Variants in XPR1 observed in about 807,000 individuals in gnomAD.
XPR1 encodes the protein xenotropic and polytropic retrovirus receptor 1.
Under a neutral mutation model 87.5 loss-of-function variants are expected in XPR1, and 28 were observed. That is an observed-to-expected ratio of 0.32 (90% CI 0.24 to 0.44). The LOEUF (loss-of-function observed/expected upper bound fraction) is 0.44, where lower values mean the gene tolerates loss of function less well. XPR1 is among the 20% of genes least tolerant of loss of function. The pLI is 1.00. For missense variants in XPR1, 559 were observed against 862.3 expected, an observed-to-expected ratio of 0.65 and a Z score of 4.41; for synonymous variants, 300 against 306.1, an observed-to-expected ratio of 0.98 and a Z score of 0.21.
rs774173807 is a variant in XPR1, at chr1:180,836,618, G to A, written c.1403G>A (p.Arg468Gln). 7 of 1,613,904 alleles carry A rather than the reference G, an allele frequency of 4.3e-6. No homozygotes were observed. The highest frequency in any genetic ancestry group is 5.9e-6 in the Non-Finnish European group (7 of 1,180,018). Residue 468 changes from arginine (R) to glutamine (Q), a missense_variant, in exon 11 of 15, where the codon CGA (arginine) becomes CAA (glutamine). Transcript: ENST00000367590. ...LRFIQCLRRYRDTKRAFPHLV... is the reference protein window; with the variant it reads ...LRFIQCLRRYQDTKRAFPHLV... The stretch of plus-strand genomic sequence containing the variant: ...TTCATCCAGTGCCTGCGCCGATATC[G>A]AGACACAAAAAGGGCCTTTCCTCAT...
chr1:180,838,055 A>G (rs1427653124), intron 11 of XPR1, among the ~76,000 whole-genome samples: 1 of 152,176 alleles, frequency 6.6e-6, no homozygotes, highest in African/African-American at 2.4e-5. Context: ...ATCCACAGAT[A>G]ACTTTTAACT....
intron 1 of XPR1, among the ~76,000 whole-genome samples, chr1:180,633,625 C>G (rs1261434163): frequency 6.6e-6 from 1 of 151,942 alleles, no homozygotes; most frequent in Non-Finnish European, 1.5e-5. Context: ...AATGAAAGGC[C>G]TATAATTATT....
At chr1:180,712,132 C>T (rs924151634) in intron 2 of XPR1, among the ~76,000 whole-genome samples, 21 of 152,112 alleles carry the variant, frequency 1.4e-4, no homozygotes, top group African/African-American at 2.9e-4. Flanking sequence ...CTAAATTAGG[C>T]ACAATAAGAG....
intron 1 of XPR1, among the ~76,000 whole-genome samples, chr1:180,664,270 G>A (rs1273292912): frequency 6.6e-6 from 1 of 152,214 alleles, no homozygotes; most frequent in Non-Finnish European, 1.5e-5. Context: ...GCATGTCTCA[G>A]AGTCTCACCC....
chr1:180,843,351 C>T (rs1005491906), intron 11 of XPR1, among the ~76,000 whole-genome samples: 2 of 151,602 alleles, frequency 1.3e-5, no homozygotes, highest in African/African-American at 4.8e-5. Context: ...TCTTGGCTTA[C>T]TATTAAAGTA....
chr1:180,687,518 C>CTTCTAT (rs1296195185), intron 2 of XPR1, among the ~76,000 whole-genome samples: 1 of 152,028 alleles, frequency 6.6e-6, no homozygotes, highest in Non-Finnish European at 1.5e-5. Context: ...GAATTAGTAG[C>CTTCTAT]TTCTTAGTAG....
chr1:180,720,724 G>A (rs1027421239), intron 2 of XPR1, among the ~76,000 whole-genome samples: 5 of 152,108 alleles, frequency 3.3e-5, no homozygotes, highest in East Asian at 1.9e-4. Flanking sequence ...GTGTTTTAAC[G>A]AGGTCTTCAG....
At chr1:180,733,335 T>G (rs1334185272) in intron 2 of XPR1, among the ~76,000 whole-genome samples, 1 of 152,198 alleles carries the variant, frequency 6.6e-6, no homozygotes, top group Non-Finnish European at 1.5e-5. Context: ...CCATATCATT[T>G]AAAAGGGCCA....
At chr1:180,837,444 A>C (rs927578342) in intron 11 of XPR1, among the ~76,000 whole-genome samples, 9 of 151,998 alleles carry the variant, frequency 5.9e-5, no homozygotes, top group Admixed American at 1.3e-4. Context: ...TTATTTTTAA[A>C]TACTTTGCAA....
chr1:180,830,058 G>A (rs181829340), intron 9 of XPR1, among the ~76,000 whole-genome samples: 2 of 152,170 alleles, frequency 1.3e-5, no homozygotes, highest in Admixed American at 6.5e-5. Flanking sequence ...ATTAGAGATG[G>A]ATTTAGACTT....
chr1:180,644,027 A>T (rs16856361), intron 1 of XPR1, among the ~76,000 whole-genome samples: 1 of 151,976 alleles, frequency 6.6e-6, no homozygotes, highest in Non-Finnish European at 1.5e-5. Context: ...ATAGTATATA[A>T]CTAAGTGATT....
At chr1:180,721,872 G>T (rs1355576673) in intron 2 of XPR1, among the ~76,000 whole-genome samples, 1 of 152,096 alleles carries the variant, frequency 6.6e-6, no homozygotes, top group African/African-American at 2.4e-5. Flanking sequence ...TATAATACAT[G>T]AAACATACAA....
In XPR1 at chr1:180,885,285, A is replaced by C. The variant is rs1652977563; in HGVS notation, c.*1219A>C. 6.6e-6 allele frequency: 1 copy of C among 152,636 alleles called. No homozygotes were observed. The highest frequency in any genetic ancestry group is 1.5e-5 in the Non-Finnish European group (1 of 68,046). The allele number at this position is 152,636 out of a possible 1,614,324, so 9.5% of individuals were successfully genotyped here. A position where few individuals can be genotyped will look rare whatever the true frequency, so the allele number is the denominator to read the frequency against. ...ATACTTCCTCATTCATATTATGTTG[A>C]TACAAAAGACCTTGGCAGCCATTTC... is the stretch of plus-strand genomic sequence containing the variant. On this transcript the variant is annotated 3_prime_UTR_variant, in exon 15 of 15. Coordinates refer to ENST00000367590, the MANE Select transcript of XPR1 (RefSeq NM_004736.4).
rs1231233071 is a variant in XPR1, at chr1:180,836,706, C to A, written c.1491C>A (p.Ser497Arg). 1 of 1,613,894 alleles carries A rather than the reference C, an allele frequency of 6.2e-7. No individual in the cohort carries two copies. Among genetic ancestry groups the A allele is most frequent in the East Asian group, 2.2e-5 (1 of 44,878 alleles). The change falls in exon 11 of 15, where the codon AGC becomes AGA. Residue 497 changes from serine (S) to arginine (R), a missense_variant. This residue lies in a region of XPR1 where 264 missense variants were observed against 377.2 expected (regional missense o/e 0.70). Coordinates refer to ENST00000367590, the MANE Select transcript of XPR1 (RefSeq NM_004736.4). ...FFMVTFAALYSTHKERGHSDT... is the reference protein window; with the variant it reads ...FFMVTFAALYRTHKERGHSDT... ...TGGTGACGTTTGCAGCCCTTTACAG[C>A]ACTCACAAAGGTATTCTGTGATTGA... is the stretch of plus-strand genomic sequence containing the variant.
intron 2 of XPR1, among the ~76,000 whole-genome samples, chr1:180,684,912 A>G (rs1656711609): frequency 6.6e-6 from 1 of 152,214 alleles, no homozygotes; most frequent in African/African-American, 2.4e-5. Context: ...TTCTAGATAT[A>G]CAATCATGTC....
chr1:180,657,764 A>G (rs147242599), intron 1 of XPR1, among the ~76,000 whole-genome samples: 3 of 152,098 alleles, frequency 2.0e-5, no homozygotes, highest in Non-Finnish European at 2.9e-5. Flanking sequence ...TGCTTTGGCT[A>G]TTCTGAGTCT....
intron 1 of XPR1, among the ~76,000 whole-genome samples, chr1:180,657,444 A>G (rs187680025): frequency 0.017 from 2,533 of 152,186 alleles, 67 homozygotes; most frequent in African/African-American, 0.056. Context: ...TAAGCCTTTA[A>G]TCCACTTTTA....
intron 2 of XPR1, among the ~76,000 whole-genome samples, chr1:180,714,906 T>C (rs575982770): frequency 2.1e-4 from 32 of 152,282 alleles, no homozygotes; most frequent in African/African-American, 7.5e-4. Context: ...AGAATCAATT[T>C]AGTTTATTAG....
chr1:180,750,277 T>C (rs980802243), intron 2 of XPR1, among the ~76,000 whole-genome samples: 8 of 152,200 alleles, frequency 5.3e-5, no homozygotes, highest in African/African-American at 1.9e-4. Context: ...GCTTTATTTC[T>C]GTAGTGCATA....
Sources: gnomAD v4.1 joint callset for allele counts (sites outside exome capture counted in the v4.1 genomes callset) on GRCh38, gnomAD v4.1.1 for gene constraint, gnomAD v4.1.1 regional missense constraint, MANE v1.5 for transcripts, NCBI Gene and HGNC (gene_info 2026-07-23, HGNC 2026-07-21) for gene names.